SCN1A: variants seen among roughly 807,000 people sequenced by gnomAD.
The protein encoded by SCN1A is sodium channel protein type 1 subunit alpha.
SCN1A carries 13 observed loss-of-function variants against 193.7 expected under a neutral mutation model. That is an observed-to-expected ratio of 0.07 (90% CI 0.04 to 0.11). The LOEUF (loss-of-function observed/expected upper bound fraction) is 0.11, where lower values mean the gene tolerates loss of function less well. Among genes scored for constraint, SCN1A ranks in the 10% least tolerant of loss-of-function variants. The pLI is 1.00. For synonymous variants in SCN1A, 781 were observed against 843.6 expected, an observed-to-expected ratio of 0.93 and a Z score of 1.29; for missense variants, 1,432 against 2,451.1, an observed-to-expected ratio of 0.58 and a Z score of 8.78.
At chr2:165,995,849 G>T (rs1347559295) in intron 27 of SCN1A, among the ~76,000 whole-genome samples, 164 bp downstream of exon 27, 1 of 151,120 alleles carries the variant, frequency 6.6e-6, no homozygotes, top group East Asian at 1.9e-4. Context: ...AATTTTTTTT[G>T]TTGTTACCAT....
upstream of SCN1A, among the ~76,000 whole-genome samples, chr2:166,131,651 A>C (rs1691667055): frequency 6.6e-6 from 1 of 152,350 alleles, no homozygotes. Context: ...GAACTATCTC[A>C]TTATCAGAAG....
At chr2:166,020,898 C>A (rs1693976946) in intron 19 of SCN1A, among the ~76,000 whole-genome samples, 1 of 151,936 alleles carries the variant, frequency 6.6e-6, no homozygotes, top group Admixed American at 6.6e-5. Context: ...TGTAGCACTC[C>A]AAACAATGAA....
chr2:166,047,502 G>A, intron 11 of SCN1A, 125 bp downstream of exon 11: 5 of 1,034,410 alleles, frequency 4.8e-6, no homozygotes, highest in Non-Finnish European at 7.5e-6. Flanking sequence ...TAGGATAGAG[G>A]AACTCAAGTC....
At chr2:166,046,669 T>G (rs1398627699) in intron 12 of SCN1A, 101 bp downstream of exon 12, 19 of 1,066,100 alleles carry the variant, frequency 1.8e-5, no homozygotes, top group Non-Finnish European at 1.4e-6. Flanking sequence ...CATTATTAAT[T>G]CCTCATACAA....
intron 1 of SCN1A, among the ~76,000 whole-genome samples, chr2:166,144,429 A>G (rs1424531486): frequency 6.6e-6 from 1 of 152,192 alleles, no homozygotes; most frequent in Non-Finnish European, 1.5e-5. Flanking sequence ...TCCTATTCCC[A>G]TGGAGTTTTT....
At chr2:166,083,255 G>T (rs1685727803) in intron 2 of SCN1A, among the ~76,000 whole-genome samples, 1 of 151,886 alleles carries the variant, frequency 6.6e-6, no homozygotes, top group Non-Finnish European at 1.5e-5. Flanking sequence ...GTAGGTTGGG[G>T]TTAACTAAAA....
chr2:166,138,024 C>T (rs1182850645), intron 1 of SCN1A, among the ~76,000 whole-genome samples: 1 of 152,048 alleles, frequency 6.6e-6, no homozygotes, highest in Admixed American at 6.6e-5. Flanking sequence ...TTTGTCCCTG[C>T]CCTAGACATT....
intron 9 of SCN1A, among the ~76,000 whole-genome samples, chr2:166,050,613 G>GTGTATATATATATATA (rs1698424029): frequency 1.5e-5 from 1 of 65,382 alleles, no homozygotes; most frequent in South Asian, 4.8e-4. Context: ...ATTAAAAAAA[G>GTGTATATATATATATA]TATATATATA....
chr2:166,129,615 A>G (rs1303688756), upstream of SCN1A, among the ~76,000 whole-genome samples: 1 of 152,188 alleles, frequency 6.6e-6, no homozygotes, highest in Admixed American at 6.5e-5. Context: ...GGTGATCAAC[A>G]ACTGGTAAAC....
chr2:166,140,777 C>A (rs1692046573), intron 1 of SCN1A, among the ~76,000 whole-genome samples: 1 of 152,096 alleles, frequency 6.6e-6, no homozygotes, highest in African/African-American at 2.4e-5. Context: ...TTTCTCAGCT[C>A]ATTTTCTAAA....
At position 165,991,218 on chromosome 2, in the gene SCN1A, C is replaced by T; in HGVS notation, c.*27G>A. On this transcript the variant is annotated 3_prime_UTR_variant, in exon 29 of 29. Transcript: ENST00000674923. ...CCTTCACAGGCTGTAAACAATTTGT[C>T]ACCCAATTATTTTTATTTATTTTCA... 6.4e-7 allele frequency: 1 copy of T among 1,564,862 alleles called. No individual in the cohort carries two copies. Among genetic ancestry groups the T allele is most frequent in the Non-Finnish European group, 8.7e-7 (1 of 1,148,580 alleles).
chr2:166,047,539 A>G, intron 11 of SCN1A, 88 bp downstream of exon 11: 2 of 1,439,578 alleles, frequency 1.4e-6, no homozygotes, highest in Non-Finnish European at 2.0e-6. Flanking sequence ...TCTTTCTACT[A>G]TATTATCATC....
chr2:166,027,727 T>C (rs1441201415), intron 19 of SCN1A, among the ~76,000 whole-genome samples: 1 of 152,034 alleles, frequency 6.6e-6, no homozygotes, highest in African/African-American at 2.4e-5. Flanking sequence ...TTGTGACACA[T>C]ATATCTCCTA....
chr2:166,130,555 C>G (rs182737664), upstream of SCN1A, among the ~76,000 whole-genome samples: 1 of 152,282 alleles, frequency 6.6e-6, no homozygotes, highest in East Asian at 1.9e-4. Context: ...TCTTCTCCAA[C>G]GTCTTTTCTA....
At chr2:166,124,686 T>C (rs569180394) in intron 2 of SCN1A, among the ~76,000 whole-genome samples, 1 of 152,316 alleles carries the variant, frequency 6.6e-6, no homozygotes, top group African/African-American at 2.4e-5. Flanking sequence ...ACTTCAGTCC[T>C]GAGTCTCTTG....
At chr2:166,103,341 C>A (rs1688330024) in intron 2 of SCN1A, among the ~76,000 whole-genome samples, 1 of 151,980 alleles carries the variant, frequency 6.6e-6, no homozygotes, top group African/African-American at 2.4e-5. Context: ...GTCCCAGCTA[C>A]TCGGGAGACT....
intron 2 of SCN1A, among the ~76,000 whole-genome samples, chr2:166,122,373 T>G (rs1021435573): frequency 1.3e-5 from 2 of 152,188 alleles, no homozygotes; most frequent in African/African-American, 4.8e-5. Flanking sequence ...AAATTTTCAG[T>G]GGAGTCACAA....
downstream of SCN1A, chr2:165,984,833 G>T (rs996321563): frequency 1.3e-5 from 2 of 152,194 alleles, no homozygotes; most frequent in African/African-American, 4.8e-5. Context: ...TCTACCTTTT[G>T]TATTTTCCAG....
intron 21 of SCN1A, 123 bp downstream of exon 21, chr2:166,013,621 T>C: frequency 2.4e-6 from 2 of 820,574 alleles, no homozygotes; most frequent in South Asian, 1.4e-5. Flanking sequence ...CTATAGAAGA[T>C]ACAAGGTGGG....
Sources: allele counts gnomAD v4.1 joint callset (sites outside exome capture counted in the v4.1 genomes callset), GRCh38; gene constraint gnomAD v4.1.1; transcripts MANE v1.5; gene names NCBI Gene and HGNC (gene_info 2026-07-23, HGNC 2026-07-21).